Variants in ABCC4 observed in about 807,000 individuals in gnomAD.
ABCC4 encodes the protein ATP binding cassette subfamily C member 4 (PEL blood group), also known as ATP-binding cassette sub-family C member 4.
ABCC4 carries 102 observed loss-of-function variants against 168.5 expected under a neutral mutation model. That is an observed-to-expected ratio of 0.61 (90% CI 0.52 to 0.71). The LOEUF (loss-of-function observed/expected upper bound fraction) is 0.71, where lower values mean the gene tolerates loss of function less well. ABCC4 is among the 30% of genes least tolerant of loss of function. The pLI is 0.00. For synonymous variants in ABCC4, 617 were observed against 590.7 expected (o/e 1.04, Z -0.65); for missense variants, 1,402 against 1,605.8 (o/e 0.87, Z 2.17).
intron 6 of ABCC4, among the ~76,000 whole-genome samples, chr13:95,208,604 A>ATTTTTTTTTTTTTTTTTTTTTT (rs1566528234): frequency 1.1e-5 from 1 of 89,516 alleles, no homozygotes. Context: ...CAAAAGCTGT[A>ATTTTTTTTTTTTTTTTTTTTTT]TTTCTTTTTT....
intron 19 of ABCC4, among the ~76,000 whole-genome samples, chr13:95,142,782 T>C (rs2036363621): frequency 1.3e-5 from 2 of 152,196 alleles, no homozygotes; most frequent in Admixed American, 6.5e-5. Context: ...TATCAAGCCT[T>C]GTGAAGACTA....
intron 1 of ABCC4, among the ~76,000 whole-genome samples, chr13:95,299,561 T>C (rs1416789813): frequency 6.6e-6 from 1 of 152,078 alleles, no homozygotes; most frequent in African/African-American, 2.4e-5. Flanking sequence ...GATTTTTTTT[T>C]GCGATTTTTT....
chr13:95,256,824 G>A (rs1329264589), intron 1 of ABCC4, among the ~76,000 whole-genome samples: 2 of 151,774 alleles, frequency 1.3e-5, no homozygotes, highest in East Asian at 1.9e-4. Context: ...TTCAAATCAA[G>A]CGCTTTCTTC....
chr13:95,023,034 T>C (rs1429189935), intron 30 of ABCC4, among the ~76,000 whole-genome samples: 1 of 152,198 alleles, frequency 6.6e-6, no homozygotes, highest in Non-Finnish European at 1.5e-5. Context: ...ATCATCTCCC[T>C]CTCCCACTTT....
At chr13:95,175,306 AT>A (rs950877877) in intron 13 of ABCC4, among the ~76,000 whole-genome samples, 31 of 150,616 alleles carry the variant, frequency 2.1e-4, no homozygotes, top group African/African-American at 5.6e-4. Flanking sequence ...CTTTTTTAAA[AT>A]TTTTTTTTTA....
intron 30 of ABCC4, among the ~76,000 whole-genome samples, chr13:95,022,763 C>T (rs1593951539): frequency 1.3e-5 from 2 of 152,190 alleles, no homozygotes; most frequent in Non-Finnish European, 1.5e-5. Flanking sequence ...AAAGTTATCA[C>T]TGGAGATAAT....
At chr13:95,243,774 A>G (rs1221294453) in intron 3 of ABCC4, among the ~76,000 whole-genome samples, 1 of 151,962 alleles carries the variant, frequency 6.6e-6, no homozygotes, top group Non-Finnish European at 1.5e-5. Flanking sequence ...AGTCACAGCT[A>G]CTCAGGAGGC....
intron 1 of ABCC4, among the ~76,000 whole-genome samples, chr13:95,265,059 G>A (rs1247054562): frequency 6.6e-6 from 1 of 151,994 alleles, no homozygotes; most frequent in African/African-American, 2.4e-5. Context: ...AGCAGAGATG[G>A]GGTTTTGCCA....
chr13:95,191,078 T>C (rs966087160), intron 9 of ABCC4, among the ~76,000 whole-genome samples: 2 of 152,124 alleles, frequency 1.3e-5, no homozygotes, highest in Non-Finnish European at 2.9e-5. Context: ...ACCCAAAACC[T>C]AAAGACACTG....
intron 28 of ABCC4, 33 bp downstream of exon 28, chr13:95,044,233 G>A (rs746400287): frequency 3.2e-6 from 5 of 1,552,212 alleles, no homozygotes; most frequent in East Asian, 4.6e-5. Flanking sequence ...CTTAAAATGT[G>A]GACTCAAGGT....
At chr13:95,243,691 G>A (rs1036162731) in intron 3 of ABCC4, among the ~76,000 whole-genome samples, 1 of 151,946 alleles carries the variant, frequency 6.6e-6, no homozygotes, top group African/African-American at 2.4e-5. Context: ...GTTCTAGACC[G>A]GCCCGGACAA....
rs67671921 is a variant in ABCC4, at chr13:95,157,088, C to CCACACACACACACACACACA, written c.2455+4081_2455+4100dup. Among the ~76,000 whole-genome samples the CCACACACACACACACACACA allele has an allele frequency of 1.2e-3, 157 of 134,694 alleles. 1 individual carries two copies. Among genetic ancestry groups the CCACACACACACACACACACA allele is most frequent in the African/African-American group, 4.1e-3 (139 of 33,544 alleles). 88.4% of individuals were successfully genotyped at this position (134,694 alleles called of 152,430 possible). ...GCCTGGGCGACAGAGTGAGACTCTA[C>CCACACACACACACACACACA]CACACACACACACACACACACACAC... On this transcript the variant is annotated intron_variant, in intron 19 of 30. Coordinates refer to ENST00000645237, the MANE Select transcript of ABCC4 (RefSeq NM_005845.5).
intron 1 of ABCC4, among the ~76,000 whole-genome samples, chr13:95,248,218 C>T (rs945055875): frequency 1.4e-4 from 21 of 152,074 alleles, no homozygotes; most frequent in African/African-American, 4.8e-4. Flanking sequence ...ATGGAAGCAT[C>T]CAAATAAATC....
At chr13:95,264,594 TGA>T (rs2040618926) in intron 1 of ABCC4, among the ~76,000 whole-genome samples, 1 of 152,202 alleles carries the variant, frequency 6.6e-6, no homozygotes, top group South Asian at 2.1e-4. Context: ...TAGAATGTGA[TGA>T]CCTGAATATT....
At chr13:95,156,879 G>C (rs552943474) in intron 19 of ABCC4, among the ~76,000 whole-genome samples, 3 of 152,160 alleles carry the variant, frequency 2.0e-5, no homozygotes, top group Non-Finnish European at 2.9e-5. Flanking sequence ...GATCACCTGA[G>C]GTCAAGAGTT....
intron 19 of ABCC4, among the ~76,000 whole-genome samples, chr13:95,151,209 T>C (rs1465244366): frequency 6.6e-6 from 1 of 152,102 alleles, no homozygotes; most frequent in East Asian, 1.9e-4. Flanking sequence ...TGGTCTAGTG[T>C]GGTGGCTCAC....
At chr13:95,208,038 C>T (rs916319911) in intron 6 of ABCC4, 113 bp from the exon 7 acceptor site, 21 of 1,140,378 alleles carry the variant, frequency 1.8e-5, no homozygotes, top group Middle Eastern at 2.3e-4. Context: ...CTTTTGCTTC[C>T]GACAACACAG....
chr13:95,025,698 A>G (rs1443434775), intron 30 of ABCC4, among the ~76,000 whole-genome samples: 3 of 151,934 alleles, frequency 2.0e-5, no homozygotes, highest in African/African-American at 4.8e-5. Flanking sequence ...AGAGTAGTAC[A>G]GGGCCTGGAG....
rs1425390636 is a variant in ABCC4, at chr13:95,083,216, G to A, written c.2610C>T (p.Pro870=). ...GAAGAAAAATGAAAATGATTCCAAG[G>A]GGAACCAAGGGTATTGCGATCCAAG... ...VIPWIAIPLV[P]LGIIFIFLRR... Residue 870 remains proline (P), a synonymous_variant, in exon 21 of 31, where the codon CCC becomes CCT. Coordinates refer to ENST00000645237, the MANE Select transcript of ABCC4 (RefSeq NM_005845.5). 1 of 1,613,922 alleles carries A rather than the reference G, an allele frequency of 6.2e-7. No homozygotes were observed. Among genetic ancestry groups the A allele is most frequent in the South Asian group, 1.1e-5 (1 of 91,066 alleles).
Sources: allele counts gnomAD v4.1 joint callset (sites outside exome capture counted in the v4.1 genomes callset), GRCh38; gene constraint gnomAD v4.1.1; transcripts MANE v1.5; gene names NCBI Gene and HGNC (gene_info 2026-07-23, HGNC 2026-07-21).